DZIP1: variants seen among roughly 807,000 people sequenced by gnomAD.
The protein encoded by DZIP1 is DAZ interacting zinc finger protein 1, also known as cilium assembly protein DZIP1.
DZIP1 carries 97 observed loss-of-function variants against 107.6 expected under a neutral mutation model. The observed-to-expected ratio is 0.90, with a 90% CI of 0.77 to 1.07. DZIP1 has a LOEUF of 1.07. Ranked by LOEUF, DZIP1 falls within the 50% of genes least tolerant of loss-of-function variation. The pLI is 0.00. For synonymous variants in DZIP1, 390 were observed against 386.4 expected (o/e 1.01, Z -0.11); for missense variants, 1,035 against 1,063.6 (o/e 0.97, Z 0.37).
In DZIP1 at chr13:95,611,505, TAC is replaced by T; in HGVS notation, c.1315-14_1315-13del. ...GTAAAGTCTTTAATCTGCAAAGAAA[TAC>T]AGTCTTCTAGTGATACATTTGAAAT... is the stretch of plus-strand genomic sequence containing the variant. On this transcript the variant is annotated splice_polypyrimidine_tract_variant and intron_variant, in intron 11 of 22. Transcript: ENST00000376829. The T allele has an allele frequency of 6.3e-7, 1 of 1,599,216 alleles. No individual in the cohort carries two copies. Among genetic ancestry groups the T allele is most frequent in the South Asian group, 1.1e-5 (1 of 90,732 alleles).
chr13:95,582,458 T>G (rs2044033904), intron 22 of DZIP1, 145 bp from the exon 23 acceptor site: 2 of 711,294 alleles, frequency 2.8e-6, no homozygotes, highest in Admixed American at 2.3e-5. Context: ...CCAACCCTCA[T>G]GAGCTATGTA....
intron 10 of DZIP1, among the ~76,000 whole-genome samples, chr13:95,616,135 T>A (rs1594702344): frequency 6.6e-6 from 1 of 152,270 alleles, no homozygotes; most frequent in Non-Finnish European, 1.5e-5. Flanking sequence ...GCAGAGAAAC[T>A]ACCATCCACT....
Position 95,587,692 on chromosome 13 carries a change from C to T in DZIP1, c.2065G>A (p.Asp689Asn), listed in dbSNP as rs776868438. Residue 689 changes from aspartate to asparagine, a missense_variant, in exon 20 of 23, where the codon GAC becomes AAC. By Grantham distance (23) the Asp-to-Asn change is conservative. Transcript: ENST00000376829. The stretch of plus-strand genomic sequence containing the variant: ...GATGCGTATGCCCGGATGAGGTCGT[C>T]GTCCTCCTGCTCCTCCTCTGAACTA... ...PFSSEEEQED[D>N]DLIRAYASPG... The T allele has an allele frequency of 2.5e-6, 4 of 1,614,052 alleles. No homozygotes were observed. The South Asian group carries it at 3.3e-5, about 13-fold the overall frequency.
intron 6 of DZIP1, 74 bp downstream of exon 6, chr13:95,633,160 C>A: frequency 7.3e-7 from 1 of 1,370,854 alleles, no homozygotes; most frequent in South Asian, 1.2e-5. Flanking sequence ...GGGAAATGCA[C>A]TGGACCAAGT....
At chr13:95,605,131 C>CTAAA (rs1324798869) in intron 14 of DZIP1, among the ~76,000 whole-genome samples, 2 of 152,154 alleles carry the variant, frequency 1.3e-5, no homozygotes, top group Non-Finnish European at 2.9e-5. Flanking sequence ...AGGATTATTA[C>CTAAA]TAAAGTTCAT....
At chr13:95,584,187 G>C (rs1594635989) in intron 22 of DZIP1, among the ~76,000 whole-genome samples, 1 of 151,670 alleles carries the variant, frequency 6.6e-6, no homozygotes, top group Non-Finnish European at 1.5e-5. Flanking sequence ...ATGTTGGCCA[G>C]GATGGTCTCA....
rs897133762 is a variant in DZIP1 at position 95,578,623 on chromosome 13, T to A, written c.*3611A>T. The A allele has an allele frequency of 6.6e-6, 1 of 152,188 alleles. No individual in the cohort carries two copies. The highest frequency in any genetic ancestry group is 1.9e-4 in the East Asian group (1 of 5,200). 9.4% of individuals were successfully genotyped at this position (152,188 alleles called of 1,614,324 possible). On this transcript the variant is annotated 3_prime_UTR_variant, in exon 23 of 23. Coordinates refer to ENST00000376829, the MANE Select transcript of DZIP1 (RefSeq NM_198968.4). The stretch of plus-strand genomic sequence containing the variant: ...AGGATCTTGCTCATTCATGGCCATA[T>A]CCACATGCCCATGGCCACTCAGTAG...
chr13:95,624,817 A>G lies in DZIP1; in HGVS notation c.923T>C (p.Phe308Ser), dbSNP rs1876336462. Residue 308 changes from phenylalanine (F) to serine (S), a missense_variant, in exon 8 of 23, where the codon TTT becomes TCT. Transcript: ENST00000376829. ...VDEMEKVKEM[F>S]MKEFKELTSK... ...AGTTAATTCTTTAAATTCCTTCATAAACATCTCCTTGACTTTTTCCATTTC... is the reference window on the plus strand; with the variant it reads ...AGTTAATTCTTTAAATTCCTTCATAGACATCTCCTTGACTTTTTCCATTTC... 1 of 1,610,206 alleles carries G rather than the reference A, an allele frequency of 6.2e-7. No individual in the cohort carries two copies. Among genetic ancestry groups the G allele is most frequent in the Non-Finnish European group, 8.5e-7 (1 of 1,177,418 alleles).
intron 12 of DZIP1, among the ~76,000 whole-genome samples, chr13:95,610,111 T>TGTGAGAGAGAGA (rs368276400): frequency 0.014 from 1,740 of 126,390 alleles, 32 homozygotes; most frequent in Middle Eastern, 0.021. Context: ...TGTGTGTGTG[T>TGTGAGAGAGAGA]GAGAGAGAGA....
intron 5 of DZIP1, among the ~76,000 whole-genome samples, chr13:95,639,590 C>CAAAAA (rs34000481): frequency 1.2e-5 from 1 of 85,566 alleles, no homozygotes; most frequent in African/African-American, 4.6e-5. Context: ...GACTCCATCT[C>CAAAAA]AAAAAAAAAA....
chr13:95,584,656 GTTAA>G, intron 22 of DZIP1, 76 bp downstream of exon 22: 1 of 1,523,040 alleles, frequency 6.6e-7, no homozygotes, highest in Non-Finnish European at 8.8e-7. Context: ...ACCAGCATAA[GTTAA>G]TTAGATATTT....
chr13:95,608,866 C>T (rs554972292), intron 13 of DZIP1, among the ~76,000 whole-genome samples: 2 of 152,234 alleles, frequency 1.3e-5, no homozygotes, highest in Non-Finnish European at 2.9e-5. Context: ...ACAGTCAGAT[C>T]CCTGTGCACA....
Position 95,584,925 on chromosome 13 carries a change from T to C in DZIP1, c.2350-15A>G. The C allele has an allele frequency of 6.2e-7, 1 of 1,601,818 alleles. No individual in the cohort carries two copies. Among genetic ancestry groups the C allele is most frequent in the East Asian group, 2.2e-5 (1 of 44,732 alleles). On this transcript the variant is annotated splice_polypyrimidine_tract_variant and intron_variant, in intron 21 of 22. Coordinates refer to ENST00000376829, the MANE Select transcript of DZIP1 (RefSeq NM_198968.4). ...ACATCCGCACACTAAAAGAAAGGCA[T>C]GGAGAATAATTAATGTTGCTTAGAA...
At chr13:95,591,387 T>C (rs1437132825) in intron 16 of DZIP1, among the ~76,000 whole-genome samples, 1 of 152,242 alleles carries the variant, frequency 6.6e-6, no homozygotes, top group African/African-American at 2.4e-5. Context: ...AAAAGTCATC[T>C]AGATTTGATG....
chr13:95,578,926 C>T lies in DZIP1; in HGVS notation c.*3308G>A, dbSNP rs1283680698. On this transcript the variant is annotated 3_prime_UTR_variant, in exon 23 of 23. Transcript: ENST00000376829. ...GCACATCCATGTTAAGGGGCTGAGG[C>T]GTCCCTGGCACGGAATGCAGAGCCC... The T allele has an allele frequency of 6.6e-6, 1 of 152,160 alleles. No individual in the cohort carries two copies. The highest frequency in any genetic ancestry group is 1.5e-5 in the Non-Finnish European group (1 of 68,058). 9.4% of individuals were successfully genotyped at this position (152,160 alleles called of 1,614,324 possible). A position where few individuals can be genotyped will look rare whatever the true frequency, so the allele number is the denominator to read the frequency against.
intron 14 of DZIP1, among the ~76,000 whole-genome samples, chr13:95,600,786 A>G (rs146576707): frequency 2.4e-4 from 36 of 152,304 alleles, no homozygotes; most frequent in Middle Eastern, 3.4e-3. Context: ...TGACTGAGTA[A>G]AATCACCTAA....
chr13:95,610,055 A>AGTGTGTGTGTGTGT lies in DZIP1; in HGVS notation c.1364-556_1364-543dup, dbSNP rs58398816. Among the ~76,000 whole-genome samples, 81 of 109,338 alleles carry AGTGTGTGTGTGTGT rather than the reference A, an allele frequency of 7.4e-4. 1 individual carries two copies. Among genetic ancestry groups the AGTGTGTGTGTGTGT allele is most frequent in the East Asian group, 2.8e-3 (11 of 3,862 alleles). 71.7% of individuals were successfully genotyped at this position (109,338 alleles called of 152,430 possible). On this transcript the variant is annotated intron_variant, in intron 12 of 22. Transcript: ENST00000376829. The stretch of plus-strand genomic sequence containing the variant: ...CTCTTGCCCTGGTCTTGACTGGTTT[A>AGTGTGTGTGTGTGT]GTGTGTGTGTGTGTGTGTGTGTGTG...
At chr13:95,628,513 G>T (rs535402868) in intron 7 of DZIP1, among the ~76,000 whole-genome samples, 1 of 152,138 alleles carries the variant, frequency 6.6e-6, no homozygotes, top group Non-Finnish European at 1.5e-5. Flanking sequence ...GCACAATATT[G>T]TGAATACACT....
At chr13:95,595,242 C>A (rs34212346) in intron 15 of DZIP1, among the ~76,000 whole-genome samples, 6 of 152,272 alleles carry the variant, frequency 3.9e-5, no homozygotes, top group Admixed American at 3.3e-4. Context: ...AGATCTTGAA[C>A]AAAATGCCTT....
Sources: allele counts gnomAD v4.1 joint callset (sites outside exome capture counted in the v4.1 genomes callset), GRCh38; gene constraint gnomAD v4.1.1; transcripts MANE v1.5; gene names NCBI Gene and HGNC (gene_info 2026-07-23, HGNC 2026-07-21).